SGCD: variants seen among roughly 807,000 people sequenced by gnomAD.
The protein encoded by SGCD is sarcoglycan delta.
A neutral mutation model predicts 36.6 loss-of-function variants in SGCD; 18 were observed. The ratio of observed to expected loss-of-function variants is 0.49; its 90% CI spans 0.34 to 0.73. The LOEUF is 0.73. Among genes scored for constraint, SGCD ranks in the 30% least tolerant of loss-of-function variants. SGCD has a pLI of 0.01. For missense variants in SGCD, 387 were observed against 346.7 expected (o/e 1.12, Z -0.92); for synonymous variants, 133 against 130.6 (o/e 1.02, Z -0.12).
chr5:156,140,351 C>G (rs56206905), intron 3 of SGCD, among the ~76,000 whole-genome samples: 1 of 151,948 alleles, frequency 6.6e-6, no homozygotes, highest in Admixed American at 6.6e-5. Context: ...AGAGAGATGT[C>G]GAGAAAGGCT....
At chr5:156,187,573 T>A (rs189490877) in intron 3 of SGCD, among the ~76,000 whole-genome samples, 2 of 142,408 alleles carry the variant, frequency 1.4e-5, no homozygotes. Flanking sequence ...AGTTTCCTCA[T>A]ATGTAAACAC....
chr5:156,563,349 A>G (rs574307021), intron 4 of SGCD, among the ~76,000 whole-genome samples: 1 of 152,256 alleles, frequency 6.6e-6, no homozygotes, highest in African/African-American at 2.4e-5. Context: ...TGAGATAGGT[A>G]TAATCATTAA....
At chr5:155,820,738 G>A in the SGCD span, among the ~76,000 whole-genome samples, 6 of 151,922 alleles carry the variant, frequency 3.9e-5, no homozygotes, top group South Asian at 2.1e-4. Context: ...ATGTGACTGC[G>A]CTTTGTGACT....
intron 2 of SGCD, among the ~76,000 whole-genome samples, chr5:156,332,271 TG>T (rs1290015103): frequency 6.6e-6 from 1 of 152,210 alleles, no homozygotes; most frequent in Non-Finnish European, 1.5e-5. Flanking sequence ...AGTGTTTTTT[TG>T]TTTGTTTGTT....
intron 4 of SGCD, among the ~76,000 whole-genome samples, chr5:156,573,469 A>T (rs770550050): frequency 1.3e-5 from 2 of 152,154 alleles, no homozygotes; most frequent in African/African-American, 4.8e-5. Context: ...CCTAACTTTA[A>T]TCAGCAGTTA....
rs140913292 is a variant in SGCD, at chr5:156,758,785, GA to G, written c.700-421del. Among the ~76,000 whole-genome samples, 183 of 143,008 alleles carry G rather than the reference GA, an allele frequency of 1.3e-3. 3 individuals are homozygous for G. In the South Asian group the frequency reaches 0.015, roughly 12 times the overall value. 93.8% of individuals were successfully genotyped at this position (143,008 alleles called of 152,430 possible). ...AGACCATCAGCCCCATAAATTGTTAGAAAAAAAAAAAGCAGAAAGGCTCACT... is the reference window on the plus strand; with the variant it reads ...AGACCATCAGCCCCATAAATTGTTAGAAAAAAAAAAGCAGAAAGGCTCACT... On this transcript the variant is annotated intron_variant, in intron 8 of 8. Transcript: ENST00000337851.
intron 3 of SGCD, among the ~76,000 whole-genome samples, chr5:156,430,978 C>T (rs1561690904): frequency 6.6e-6 from 1 of 152,066 alleles, no homozygotes; most frequent in Non-Finnish European, 1.5e-5. Flanking sequence ...AGAGGTATCC[C>T]TGGGTAGGGA....
the SGCD span, among the ~76,000 whole-genome samples, chr5:155,800,271 A>G: frequency 6.6e-6 from 1 of 151,952 alleles, no homozygotes; most frequent in African/African-American, 2.4e-5. Flanking sequence ...ATCCTCTTTT[A>G]TTCATCTTCC....
At chr5:156,651,216 G>T (rs1053443291) in intron 7 of SGCD, among the ~76,000 whole-genome samples, 1 of 151,974 alleles carries the variant, frequency 6.6e-6, no homozygotes, top group Non-Finnish European at 1.5e-5. Context: ...CCTTTGTTGG[G>T]TGCATAGTTT....
rs111527749 is a variant in SGCD, at chr5:156,716,174, G to A, written c.576-41407G>A. On this transcript the variant is annotated intron_variant, in intron 7 of 8. Transcript: ENST00000337851. Reference sequence around the variant, plus strand: ...ATACCCTGACATAAAATTCTGCTAGGATGCACTAACTTTGATGTTGATGAT... The same window carrying A: ...ATACCCTGACATAAAATTCTGCTAGAATGCACTAACTTTGATGTTGATGAT... 3.7e-3 allele frequency among the ~76,000 whole-genome samples: 558 copies of A among 152,254 alleles called. 6 individuals are homozygous for A. Among genetic ancestry groups the A allele is most frequent in the African/African-American group, 0.012 (486 of 41,528 alleles).
intron 7 of SGCD, among the ~76,000 whole-genome samples, chr5:156,746,804 C>G (rs914788918): frequency 4.6e-5 from 7 of 151,918 alleles, no homozygotes; most frequent in African/African-American, 7.3e-5. Context: ...TTGGGGTAGT[C>G]AATGGTTTAT....
intron 4 of SGCD, among the ~76,000 whole-genome samples, chr5:156,540,689 T>C (rs143081400): frequency 2.0e-5 from 3 of 152,266 alleles, no homozygotes; most frequent in African/African-American, 7.2e-5. Context: ...CATACCAAAG[T>C]GTTGATGAAA....
rs114454045 is a variant in SGCD, at chr5:156,075,556, A to G, written c.-281-42322A>G. ...GATTTAAGGGTTGGAATCAATCTGT[A>G]TAAAGGTTGTTGAATAGAGAGGTGA... On this transcript the variant is annotated intron_variant, in intron 1 of 9. Transcript: ENST00000517913. Among the ~76,000 whole-genome samples the G allele has an allele frequency of 5.5e-3, 835 of 152,276 alleles. 6 individuals carry two copies. Among genetic ancestry groups the G allele is most frequent in the African/African-American group, 0.019 (803 of 41,556 alleles).
chr5:156,737,111 T>C (rs1561886476), intron 7 of SGCD, among the ~76,000 whole-genome samples: 1 of 152,240 alleles, frequency 6.6e-6, no homozygotes, highest in Non-Finnish European at 1.5e-5. Flanking sequence ...ATATATATTA[T>C]TTTAAATGTA....
chr5:155,863,022 T>A, the SGCD span, among the ~76,000 whole-genome samples: 1 of 152,226 alleles, frequency 6.6e-6, no homozygotes, highest in East Asian at 1.9e-4. Context: ...GTGCATTCTA[T>A]CTCTGTTTCA....
chr5:155,942,314 G>GTATCTATCTATC (rs761794178), intron 1 of SGCD, among the ~76,000 whole-genome samples: 470 of 84,400 alleles, frequency 5.6e-3, no homozygotes, highest in South Asian at 0.011. Context: ...ATGTATGTAT[G>GTATCTATCTATC]TATGTATGTA....
In SGCD at chr5:156,767,493, A is replaced by AG. The variant is rs1757614794; in HGVS notation, c.*8103_*8104insG. On this transcript the variant is annotated 3_prime_UTR_variant, in exon 9 of 9. Transcript: ENST00000337851. Reference sequence around the variant, plus strand: ...TTTGCTTGGAGATTTTGAAAAAAAAAAAAAAAAAAAACCCATTCCCATAAA... The same window carrying AG: ...TTTGCTTGGAGATTTTGAAAAAAAAAGAAAAAAAAAAACCCATTCCCATAAA... 6.6e-6 allele frequency: 1 copy of AG among 151,674 alleles called. No homozygotes were observed. Among genetic ancestry groups the AG allele is most frequent in the Non-Finnish European group, 1.5e-5 (1 of 67,926 alleles). 9.4% of individuals were successfully genotyped at this position (151,674 alleles called of 1,614,324 possible). A position where few individuals can be genotyped will look rare whatever the true frequency, so the allele number is the denominator to read the frequency against.
At chr5:155,754,427 A>G in the SGCD span, among the ~76,000 whole-genome samples, 2 of 152,194 alleles carry the variant, frequency 1.3e-5, no homozygotes, top group Non-Finnish European at 1.5e-5. Flanking sequence ...GGAAAGGACT[A>G]ATTAAGAGTA....
intron 4 of SGCD, among the ~76,000 whole-genome samples, chr5:156,533,905 C>T (rs1261343437): frequency 1.3e-5 from 2 of 152,160 alleles, no homozygotes; most frequent in Non-Finnish European, 2.9e-5. Context: ...TCAGAGTATA[C>T]TTAAAAGCCC....
Sources: allele counts gnomAD v4.1 joint callset (sites outside exome capture counted in the v4.1 genomes callset), GRCh38; gene constraint gnomAD v4.1.1; transcripts MANE v1.5; gene names NCBI Gene and HGNC (gene_info 2026-07-23, HGNC 2026-07-21).